GARNL3: variants seen among roughly 807,000 people sequenced by gnomAD.
GARNL3 encodes the protein GTPase activating Rap/RanGAP domain like 3.
Under a neutral mutation model 125.0 loss-of-function variants are expected in GARNL3, and 63 were observed. That is an observed-to-expected ratio of 0.50 (90% CI 0.41 to 0.62). GARNL3 has a LOEUF of 0.62. Among genes scored for constraint, GARNL3 ranks in the 20% least tolerant of loss-of-function variants. GARNL3 has a pLI of 0.00. For synonymous variants in GARNL3, 439 were observed against 457.5 expected (o/e 0.96, Z 0.52); for missense variants, 994 against 1,244.0 (o/e 0.80, Z 3.02).
intron 17 of GARNL3, among the ~76,000 whole-genome samples, chr9:127,352,989 A>G (rs542889002): frequency 6.6e-6 from 1 of 152,310 alleles, no homozygotes; most frequent in South Asian, 2.1e-4. Flanking sequence ...CATCCATCTC[A>G]GAACAGACCC....
At chr9:127,302,447 A>C (rs192989640) in intron 2 of GARNL3, among the ~76,000 whole-genome samples, 3 of 152,308 alleles carry the variant, frequency 2.0e-5, no homozygotes, top group African/African-American at 7.2e-5. Flanking sequence ...ACTATGGTCC[A>C]TTTACACAAT....
intron 7 of GARNL3, among the ~76,000 whole-genome samples, chr9:127,330,585 A>G (rs1829167410): frequency 6.6e-6 from 1 of 152,240 alleles, no homozygotes; most frequent in Non-Finnish European, 1.5e-5. Context: ...CTCAGGTTCT[A>G]GTGGTAGAAA....
chr9:127,275,326 T>A (rs2063927421), intron 1 of GARNL3, among the ~76,000 whole-genome samples: 1 of 152,226 alleles, frequency 6.6e-6, no homozygotes, highest in South Asian at 2.1e-4. Flanking sequence ...CCACATGGGC[T>A]GTGGACTTTA....
chr9:127,328,064 C>CT (rs2065629123), intron 7 of GARNL3, among the ~76,000 whole-genome samples: 1 of 152,172 alleles, frequency 6.6e-6, no homozygotes, highest in Admixed American at 6.5e-5. Flanking sequence ...AATGTGAACA[C>CT]TTACTTCCCC....
chr9:127,321,732 T>C (rs545032436), intron 6 of GARNL3, among the ~76,000 whole-genome samples: 50 of 152,186 alleles, frequency 3.3e-4, no homozygotes, highest in African/African-American at 1.0e-3. Context: ...GAAGCTGAGA[T>C]TGAAGTAGTT....
At chr9:127,382,821 G>A (rs553538221) in intron 22 of GARNL3, among the ~76,000 whole-genome samples, 9 of 152,260 alleles carry the variant, frequency 5.9e-5, no homozygotes, top group East Asian at 3.9e-4. Flanking sequence ...GGATACAAGC[G>A]TATGGCTTCA....
rs763317839 is a variant in GARNL3, at chr9:127,390,698, C to G, written c.2801C>G (p.Pro934Arg). Residue 934 changes from proline (P) to arginine (R), a missense_variant, in exon 27 of 28, where the codon CCC becomes CGC. Pro to Arg is a moderately radical substitution (Grantham distance 103). Transcript: ENST00000373387. ...GGAGCGCCAAAGGCCAAATCAAAAC[C>G]CCGGAAGCGGTTAGAAGAAAGCCAA... The part of the protein sequence containing the change: ...SEGAPKAKSK[P>R]RKRLEESQGG... 6.2e-7 allele frequency: 1 copy of G among 1,614,028 alleles called. No homozygotes were observed. Among genetic ancestry groups the G allele is most frequent in the East Asian group, 2.2e-5 (1 of 44,872 alleles).
At chr9:127,331,728 T>TTTTTTTTTTTTTTTTTTTTTTTTTTTTC in intron 7 of GARNL3, among the ~76,000 whole-genome samples, 1 of 145,752 alleles carries the variant, frequency 6.9e-6, no homozygotes, top group Non-Finnish European at 1.5e-5. Context: ...TGCTTTTTTT[T>TTTTTTTTTTTTTTTTTTTTTTTTTTTTC]TTTTTTTCAC....
At chr9:127,342,932 T>C (rs922575852) in intron 14 of GARNL3, among the ~76,000 whole-genome samples, 2 of 149,812 alleles carry the variant, frequency 1.3e-5, no homozygotes, top group African/African-American at 4.9e-5. Flanking sequence ...AGCTTCTCTC[T>C]TGTTGCCCAG....
intron 2 of GARNL3, among the ~76,000 whole-genome samples, chr9:127,310,209 A>G (rs1487650593): frequency 6.6e-6 from 1 of 152,234 alleles, no homozygotes; most frequent in African/African-American, 2.4e-5. Flanking sequence ...AGTTTCGTTA[A>G]TGCTGGGATG....
In GARNL3 at chr9:127,291,252, C is replaced by T. The variant is rs577801884; in HGVS notation, c.219+10C>T. On this transcript the variant is annotated intron_variant, in intron 2 of 27. Coordinates refer to ENST00000373387, the MANE Select transcript of GARNL3 (RefSeq NM_032293.5). ...TGGCTCTTCAGATGAGGTAAGGAAG[C>T]CTCCCCACTTCCTGTAATGCCACCA... 3 of 1,611,092 alleles carry T rather than the reference C, an allele frequency of 1.9e-6. No homozygotes were observed. The South Asian group carries it at 3.3e-5, about 18-fold the overall frequency.
rs55850849 is a variant in GARNL3 at position 127,393,419 on chromosome 9, C to T, written c.*165C>T. The stretch of plus-strand genomic sequence containing the variant: ...CAGTTCCCTCTCCAATGTCCGGTGC[C>T]ATCTTTCCTGACCTTTGTTTCTTTC... On this transcript the variant is annotated 3_prime_UTR_variant, in exon 28 of 28. Coordinates refer to ENST00000373387, the MANE Select transcript of GARNL3 (RefSeq NM_032293.5). The T allele has an allele frequency of 3.9e-6, 2 of 514,764 alleles. No individual in the cohort carries two copies. Among genetic ancestry groups the T allele is most frequent in the Non-Finnish European group, 6.9e-6 (2 of 289,672 alleles). 31.9% of individuals were successfully genotyped at this position (514,764 alleles called of 1,614,324 possible).
intron 1 of GARNL3, among the ~76,000 whole-genome samples, chr9:127,279,801 A>G (rs1227906619): frequency 6.6e-6 from 1 of 152,102 alleles, no homozygotes; most frequent in Admixed American, 6.5e-5. Flanking sequence ...AAAAACAAAG[A>G]GCTATTCAGA....
At chr9:127,304,221 A>T (rs1190593735) in intron 2 of GARNL3, among the ~76,000 whole-genome samples, 2 of 152,208 alleles carry the variant, frequency 1.3e-5, no homozygotes, top group Non-Finnish European at 2.9e-5. Flanking sequence ...CTTTTGTAAA[A>T]TAGGTGACAC....
chr9:127,322,650 G>A (rs1252045637), intron 6 of GARNL3, among the ~76,000 whole-genome samples: 1 of 152,172 alleles, frequency 6.6e-6, no homozygotes, highest in African/African-American at 2.4e-5. Flanking sequence ...TCACATTTCT[G>A]TAGATTTCCC....
At position 127,325,072 on chromosome 9, in the gene GARNL3, T is replaced by A. The variant is rs778607977; in HGVS notation, c.571T>A (p.Leu191Met). The A allele has an allele frequency of 6.2e-7, 1 of 1,613,434 alleles. No homozygotes were observed. The highest frequency in any genetic ancestry group is 8.5e-7 in the Non-Finnish European group (1 of 1,179,542). ...EIFHPEIQKD[L>M]LVLEEQEGSV... Reference sequence around the variant, plus strand: ...CTTTTAAAACTTTATTTGACAGGACTTGCTGGTTCTTGAAGAACAAGAGGT... The same window carrying A: ...CTTTTAAAACTTTATTTGACAGGACATGCTGGTTCTTGAAGAACAAGAGGT... Residue 191 changes from leucine to methionine, a missense_variant, in exon 7 of 28, where the codon TTG (leucine) becomes ATG (methionine). Leu to Met is a conservative substitution (Grantham distance 15). Transcript: ENST00000373387.
intron 22 of GARNL3, among the ~76,000 whole-genome samples, chr9:127,373,969 G>A (rs1009974712): frequency 2.6e-5 from 4 of 152,104 alleles, no homozygotes; most frequent in African/African-American, 9.7e-5. Flanking sequence ...TCAGGCTACT[G>A]CACTCCAGCC....
At chr9:127,345,943 C>G (rs953589619) in intron 16 of GARNL3, among the ~76,000 whole-genome samples, 9 of 152,218 alleles carry the variant, frequency 5.9e-5, no homozygotes, top group Non-Finnish European at 1.3e-4. Context: ...GAATTCACCC[C>G]CAGAGTTTCT....
At chr9:127,247,141 T>C (rs1390403854) in intron 2 of GARNL3, among the ~76,000 whole-genome samples, 1 of 152,120 alleles carries the variant, frequency 6.6e-6, no homozygotes, top group Admixed American at 6.5e-5. Context: ...TTGTGCAAGA[T>C]GTTGTACTGA....
Sources: allele counts gnomAD v4.1 joint callset (sites outside exome capture counted in the v4.1 genomes callset), GRCh38; gene constraint gnomAD v4.1.1; transcripts MANE v1.5; gene names NCBI Gene and HGNC (gene_info 2026-07-23, HGNC 2026-07-21).